Variants in DCAF4 observed in about 807,000 individuals in gnomAD.
DCAF4 encodes the protein DDB1- and CUL4-associated factor 4.
Under a neutral mutation model 60.9 loss-of-function variants are expected in DCAF4, and 37 were observed. The ratio of observed to expected loss-of-function variants is 0.61; its 90% CI spans 0.47 to 0.80. The LOEUF (loss-of-function observed/expected upper bound fraction) is 0.80, where lower values mean the gene tolerates loss of function less well. Ranked by LOEUF, DCAF4 falls within the 30% of genes least tolerant of loss-of-function variation. The pLI is 0.00. For synonymous variants in DCAF4, 243 were observed against 254.8 expected (o/e 0.95, Z 0.44); for missense variants, 577 against 650.0 (o/e 0.89, Z 1.22).
At chr14:72,953,726 A>ATAT (rs1256128158) in intron 9 of DCAF4, among the ~76,000 whole-genome samples, 20 of 45,868 alleles carry the variant, frequency 4.4e-4, no homozygotes, top group Admixed American at 6.1e-4. Context: ...AAAAAAAAAA[A>ATAT]AAAAAAATAT....
chr14:72,932,035 CG>C (rs1567294827), intron 1 of DCAF4, among the ~76,000 whole-genome samples: 1 of 148,578 alleles, frequency 6.7e-6, no homozygotes, highest in African/African-American at 2.5e-5. Flanking sequence ...GTTGCCCAGG[CG>C]GGAGTGCAGT....
At position 72,943,011 on chromosome 14, in the gene DCAF4, G is replaced by A. The variant is rs34055762; in HGVS notation, c.449G>A (p.Arg150His). The stretch of plus-strand genomic sequence containing the variant: ...TTCTGCAGTTTAGCCCACGAGCTGC[G>A]TCTCAGCTGCATGGAGAGGAAAAAG... The part of the protein sequence containing the change: ...TNYCHLAHEL[R>H]LSCMERKKVQ... The change falls in exon 6 of 14, where the codon CGT (arginine) becomes CAT (histidine). Residue 150 changes from arginine (R) to histidine (H), a missense_variant. Coordinates refer to ENST00000358377, the MANE Select transcript of DCAF4 (RefSeq NM_015604.4). 1.5e-3 allele frequency: 2,491 copies of A among 1,614,142 alleles called. 4 individuals are homozygous for A. The highest frequency in any genetic ancestry group is 1.8e-3 in the Non-Finnish European group (2,152 of 1,180,008).
At chr14:72,928,484 C>G (rs1199344693) in intron 1 of DCAF4, among the ~76,000 whole-genome samples, 1 of 151,392 alleles carries the variant, frequency 6.6e-6, no homozygotes, top group Non-Finnish European at 1.5e-5. Flanking sequence ...CATGAGCCAC[C>G]GCGCCCGGCC....
chr14:72,952,107 G>A (rs1323611558), intron 9 of DCAF4, among the ~76,000 whole-genome samples: 1 of 152,154 alleles, frequency 6.6e-6, no homozygotes, highest in Non-Finnish European at 1.5e-5. Flanking sequence ...TAACACGCAT[G>A]TAAACCAGCG....
At chr14:72,959,844 C>T (rs1405541072), downstream of DCAF4, 1 of 190,978 alleles carries the variant, frequency 5.2e-6, no homozygotes, top group Non-Finnish European at 9.7e-6. Flanking sequence ...TTCCCTGGCT[C>T]CCAGCAGCTA....
intron 2 of DCAF4, 71 bp downstream of exon 2, chr14:72,938,141 C>G (rs559998823): frequency 6.6e-7 from 1 of 1,515,080 alleles, no homozygotes; most frequent in Non-Finnish European, 8.8e-7. Context: ...GCATGTCACA[C>G]GATCACAGGT....
At chr14:72,960,294 C>T (rs371884296), downstream of DCAF4, among the ~76,000 whole-genome samples, 3 of 151,870 alleles carry the variant, frequency 2.0e-5, no homozygotes, top group African/African-American at 4.8e-5. Flanking sequence ...GGATTATAGG[C>T]GCGTGCCACC....
chr14:72,961,986 C>A (rs1892837716), downstream of DCAF4: 1 of 1,116,138 alleles, frequency 9.0e-7, no homozygotes, highest in Non-Finnish European at 1.1e-6. Context: ...TCACCCACTT[C>A]CCTCTGTTCT....
At chr14:72,942,879 G>GA in intron 5 of DCAF4, 115 bp from the exon 6 acceptor site, 1 of 854,610 alleles carries the variant, frequency 1.2e-6, no homozygotes, top group Non-Finnish European at 1.8e-6. Context: ...AAGTACTGTG[G>GA]AGCAGGCTGA....
At chr14:72,954,347 T>C (rs747409051) in intron 10 of DCAF4, 39 bp from the exon 11 acceptor site, 4 of 1,613,338 alleles carry the variant, frequency 2.5e-6, no homozygotes, top group Non-Finnish European at 8.5e-7. Context: ...CCAGACTACA[T>C]GTGACATAAT....
intron 5 of DCAF4, 175 bp from the exon 6 acceptor site, chr14:72,942,819 G>A (rs1594762908): frequency 4.9e-6 from 3 of 606,088 alleles, no homozygotes; most frequent in East Asian, 5.7e-5. Flanking sequence ...CGTTCTGTGG[G>A]GAAACTCAAA....
At chr14:72,945,172 C>T (rs1299818034) in intron 6 of DCAF4, among the ~76,000 whole-genome samples, 1 of 152,070 alleles carries the variant, frequency 6.6e-6, no homozygotes. Flanking sequence ...GCAGAAGGAT[C>T]ACTTGAGGCC....
downstream of DCAF4, chr14:72,960,803 C>A: frequency 2.6e-6 from 1 of 382,616 alleles, no homozygotes; most frequent in Non-Finnish European, 3.7e-6. Context: ...AGCTTTTCTT[C>A]ACATACACAA....
chr14:72,929,226 G>A (rs1001210140), intron 1 of DCAF4, among the ~76,000 whole-genome samples: 2 of 152,226 alleles, frequency 1.3e-5, no homozygotes, highest in Non-Finnish European at 2.9e-5. Context: ...GAAGCTGCGG[G>A]CTCCCAAACC....
intron 7 of DCAF4, 145 bp downstream of exon 7, chr14:72,946,172 A>C: frequency 1.0e-6 from 1 of 1,002,608 alleles, no homozygotes; most frequent in East Asian, 2.5e-5. Context: ...ACTTGAGCCT[A>C]GGAGTTTCAG....
intron 3 of DCAF4, 53 bp downstream of exon 3, chr14:72,939,955 A>AGACCC (rs1459280858): frequency 6.7e-7 from 1 of 1,487,488 alleles, no homozygotes; most frequent in Admixed American, 2.2e-5. Context: ...GGGAAGGCTG[A>AGACCC]GACCCGTTCC....
downstream of DCAF4, among the ~76,000 whole-genome samples, chr14:72,961,445 C>T (rs911091659): frequency 2.0e-5 from 3 of 152,248 alleles, no homozygotes; most frequent in African/African-American, 4.8e-5. Flanking sequence ...CCTCTACTCA[C>T]ATGATCCTTT....
In DCAF4 at chr14:72,959,534, C is replaced by T. The variant is rs953619990; in HGVS notation, c.*729C>T. 31 of 985,380 alleles carry T rather than the reference C, an allele frequency of 3.1e-5. No homozygotes were observed. Among genetic ancestry groups the T allele is most frequent in the Middle Eastern group, 5.2e-4 (1 of 1,936 alleles). The allele number at this position is 985,380 out of a possible 1,614,324, so 61.0% of individuals were successfully genotyped here. On this transcript the variant is annotated 3_prime_UTR_variant, in exon 14 of 14. Coordinates refer to ENST00000358377, the MANE Select transcript of DCAF4 (RefSeq NM_015604.4). ...TTGAATGTCAGATTCAAGGGCCCGGCGTCAAAGGAAATTGGTTTTGACTTT... is the reference window on the plus strand; with the variant it reads ...TTGAATGTCAGATTCAAGGGCCCGGTGTCAAAGGAAATTGGTTTTGACTTT...
chr14:72,961,630 G>C (rs1412778250), downstream of DCAF4, among the ~76,000 whole-genome samples: 1 of 152,208 alleles, frequency 6.6e-6, no homozygotes, highest in Non-Finnish European at 1.5e-5. Flanking sequence ...ATTATTCCTG[G>C]TGCAGGGTTT....
Sources: allele counts gnomAD v4.1 joint callset (sites outside exome capture counted in the v4.1 genomes callset), GRCh38; gene constraint gnomAD v4.1.1; transcripts MANE v1.5; gene names NCBI Gene and HGNC (gene_info 2026-07-23, HGNC 2026-07-21).